Variants in AQP6 observed in about 807,000 individuals in gnomAD.
AQP6 encodes aquaporin-6.
AQP6 carries 14 observed loss-of-function variants against 16.3 expected under a neutral mutation model. That is an observed-to-expected ratio of 0.86 (90% CI 0.57 to 1.34). The LOEUF (loss-of-function observed/expected upper bound fraction) is 1.34. AQP6 is among the 40% of genes most tolerant of loss of function. The pLI is 0.00. For synonymous variants in AQP6, 178 were observed against 166.8 expected (o/e 1.07, Z -0.52); for missense variants, 331 against 379.7 (o/e 0.87, Z 1.07).
rs746924716 is a variant in AQP6 at position 49,975,438 on chromosome 12, G to GT, written c.643-26dup. The GT allele has an allele frequency of 5.7e-6, 9 of 1,568,168 alleles. No homozygotes were observed. The highest frequency in any genetic ancestry group is 7.7e-6 in the Non-Finnish European group (9 of 1,161,528). On this transcript the variant is annotated intron_variant, in intron 3 of 3. Transcript: ENST00000315520. The surrounding 1 kb of genome is among the most constrained non-coding windows in gnomAD (Gnocchi z 4.4). Reference sequence around the variant, plus strand: ...ACCCTGTGGTCCTGATAGCTCCTGGGTGGGGTGACGACATCCTTCTCCTCA... The same window carrying GT: ...ACCCTGTGGTCCTGATAGCTCCTGGGTTGGGGTGACGACATCCTTCTCCTCA...
At position 49,973,585 on chromosome 12, in the gene AQP6, G is replaced by C. The variant is rs1265231831; in HGVS notation, c.402+10G>C. 3.2e-6 allele frequency: 5 copies of C among 1,581,188 alleles called. No individual in the cohort carries two copies. Among genetic ancestry groups the C allele is most frequent in the Non-Finnish European group, 4.3e-6 (5 of 1,161,262 alleles). On this transcript the variant is annotated intron_variant, in intron 1 of 3. Transcript: ENST00000315520. ...CCTTGGGATCAACGTGGTAGGTGCA[G>C]GGAGGGGCACCTGGAGGGCCAGGAG...
chr12:49,975,420 G>C lies in AQP6; in HGVS notation c.643-45G>C, dbSNP rs1947563925. Reference sequence around the variant, plus strand: ...GGCAGCGGTCCCAGAGCCACCCTGTGGTCCTGATAGCTCCTGGGTGGGGTG... The same window carrying C: ...GGCAGCGGTCCCAGAGCCACCCTGTCGTCCTGATAGCTCCTGGGTGGGGTG... On this transcript the variant is annotated intron_variant, in intron 3 of 3. Coordinates refer to ENST00000315520, the MANE Select transcript of AQP6 (RefSeq NM_001652.4). The surrounding 1 kb of genome is among the most constrained non-coding windows in gnomAD (Gnocchi z 4.4). 6.5e-7 allele frequency: 1 copy of C among 1,544,986 alleles called. No individual in the cohort carries two copies. The highest frequency in any genetic ancestry group is 1.4e-5 in the African/African-American group (1 of 72,396).
chr12:49,974,332 C>G lies in AQP6; in HGVS notation c.411C>G (p.Asn137Lys), dbSNP rs754633688. 1 of 1,578,354 alleles carries G rather than the reference C, an allele frequency of 6.3e-7. No individual in the cohort carries two copies. Among genetic ancestry groups the G allele is most frequent in the Non-Finnish European group, 8.6e-7 (1 of 1,158,498 alleles). ...TAACTCCCTCTGTCCAGGTCCGGAA[C>G]AGTGTCTCAACTGGCCAGGCGGTGG... ...RETLGINVVR[N>K]SVSTGQAVAV... Residue 137 changes from asparagine to lysine, a missense_variant, in exon 2 of 4, where the codon AAC becomes AAG. Physicochemically the swap from Asn to Lys is moderately conservative, Grantham distance 94 (BLOSUM62 0). Transcript: ENST00000315520.
Position 49,976,620 on chromosome 12 carries a change from A to G in AQP6, c.*949A>G, listed in dbSNP as rs908095778. ...GAGAAGAACTGACACAGAGAAGAAC[A>G]TTTTCTCAGGCTCGTAGAGAGGTGG... On this transcript the variant is annotated 3_prime_UTR_variant, in exon 4 of 4. Transcript: ENST00000315520. The G allele has an allele frequency of 4.2e-6, 1 of 238,092 alleles. No homozygotes were observed. Among genetic ancestry groups the G allele is most frequent in the African/African-American group, 2.3e-5 (1 of 44,218 alleles). The allele number at this position is 238,092 out of a possible 1,614,324, so 14.7% of individuals were successfully genotyped here.
chr12:49,975,674 C>T lies in AQP6; in HGVS notation c.*3C>T, dbSNP rs901434843. The T allele has an allele frequency of 6.5e-7, 1 of 1,538,696 alleles. No homozygotes were observed. The highest frequency in any genetic ancestry group is 8.7e-7 in the Non-Finnish European group (1 of 1,147,830). ...CCGTGGAGATGGAGAGTGTGTGAAA[C>T]AGCCTACGCCTGGCCGCGCCCTTGG... On this transcript the variant is annotated 3_prime_UTR_variant, in exon 4 of 4. Coordinates refer to ENST00000315520, the MANE Select transcript of AQP6 (RefSeq NM_001652.4). The surrounding 1 kb of genome is among the most constrained non-coding windows in gnomAD (Gnocchi z 4.4).
intron 2 of AQP6, 77 bp downstream of exon 2, chr12:49,974,559 A>G: frequency 6.7e-7 from 1 of 1,503,686 alleles, no homozygotes. Flanking sequence ...CCTGAAGGCC[A>G]GGCAGTGTCC....
chr12:49,974,274 T>A, intron 1 of AQP6, 50 bp from the exon 2 acceptor site: 1 of 1,466,136 alleles, frequency 6.8e-7, no homozygotes, highest in African/African-American at 1.4e-5. Context: ...TTTCTCTGTC[T>A]GTCCGTGGGC....
Position 49,975,254 on chromosome 12 carries a change from A to G in AQP6, c.643-211A>G, listed in dbSNP as rs1947562709. On this transcript the variant is annotated intron_variant, in intron 3 of 3. Transcript: ENST00000315520. The surrounding 1 kb of genome is among the most constrained non-coding windows in gnomAD (Gnocchi z 4.4). ...AGCCACGGCTGCAGAGCCTGGGCTC[A>G]GCCCCAGGGAGGGCAGGGAGAGCAA... is the stretch of plus-strand genomic sequence containing the variant. 1.3e-5 allele frequency: 18 copies of G among 1,347,128 alleles called. No homozygotes were observed. In the South Asian group the frequency reaches 3.7e-4, roughly 28 times the overall value. The allele number at this position is 1,347,128 out of a possible 1,614,324, so 83.4% of individuals were successfully genotyped here. A position where few individuals can be genotyped will look rare whatever the true frequency, so the allele number is the denominator to read the frequency against.
Position 49,975,442 on chromosome 12 carries a change from G to A in AQP6, c.643-23G>A, listed in dbSNP as rs1157462876. 5 of 1,570,846 alleles carry A rather than the reference G, an allele frequency of 3.2e-6. No individual in the cohort carries two copies. Among genetic ancestry groups the A allele is most frequent in the Non-Finnish European group, 4.3e-6 (5 of 1,162,670 alleles). Reference sequence around the variant, plus strand: ...TGTGGTCCTGATAGCTCCTGGGTGGGGTGACGACATCCTTCTCCTCAGGTC... The same window carrying A: ...TGTGGTCCTGATAGCTCCTGGGTGGAGTGACGACATCCTTCTCCTCAGGTC... On this transcript the variant is annotated intron_variant, in intron 3 of 3. Coordinates refer to ENST00000315520, the MANE Select transcript of AQP6 (RefSeq NM_001652.4). The surrounding 1 kb of genome is among the most constrained non-coding windows in gnomAD (Gnocchi z 4.4).
chr12:49,976,773 C>A lies in AQP6; in HGVS notation c.*1102C>A. 1.8e-6 allele frequency: 1 copy of A among 562,250 alleles called. No homozygotes were observed. Among genetic ancestry groups the A allele is most frequent in the South Asian group, 2.3e-5 (1 of 42,982 alleles). The allele number at this position is 562,250 out of a possible 1,614,324, so 34.8% of individuals were successfully genotyped here. A position where few individuals can be genotyped will look rare whatever the true frequency, so the allele number is the denominator to read the frequency against. On this transcript the variant is annotated 3_prime_UTR_variant, in exon 4 of 4. Transcript: ENST00000315520. The stretch of plus-strand genomic sequence containing the variant: ...CAATCCTCAGAGGGGAAGTGCCCAT[C>A]TAGCCATTGACTCATGACCTGGGTC...
rs374255235 is a variant in AQP6, at chr12:49,974,410, C to T, written c.489C>T (p.Thr163=). The T allele has an allele frequency of 1.6e-5, 26 of 1,613,726 alleles. No homozygotes were observed. Among genetic ancestry groups the T allele is most frequent in the African/African-American group, 5.3e-5 (4 of 74,942 alleles). The change falls in exon 2 of 4, where the codon ACC becomes ACT. Residue 163 remains threonine, a synonymous_variant. Coordinates refer to ENST00000315520, the MANE Select transcript of AQP6 (RefSeq NM_001652.4). ...TGGTGCTCTGTGTCTTCGCTTCCACCGACAGCCGTCAGACATCAGGCTCCC... is the reference window on the plus strand; with the variant it reads ...TGGTGCTCTGTGTCTTCGCTTCCACTGACAGCCGTCAGACATCAGGCTCCC... ...LQLVLCVFAS[T]DSRQTSGSPA... is the part of the protein sequence containing the mutation.
In AQP6 at chr12:49,977,019, T is replaced by C. The variant is rs1947580047; in HGVS notation, c.*1348T>C. 3 of 702,368 alleles carry C rather than the reference T, an allele frequency of 4.3e-6. No individual in the cohort carries two copies. The East Asian group carries it at 8.0e-5, about 19-fold the overall frequency. 43.5% of individuals were successfully genotyped at this position (702,368 alleles called of 1,614,324 possible). Reference sequence around the variant, plus strand: ...GGGGTCCTTTCTGGATCTCGGCTTCTCCAGCTGTAAAATGGACACACAATC... The same window carrying C: ...GGGGTCCTTTCTGGATCTCGGCTTCCCCAGCTGTAAAATGGACACACAATC... On this transcript the variant is annotated 3_prime_UTR_variant, in exon 4 of 4. Coordinates refer to ENST00000315520, the MANE Select transcript of AQP6 (RefSeq NM_001652.4).
chr12:49,974,656 G>A, intron 2 of AQP6, 90 bp from the exon 3 acceptor site: 2 of 1,524,462 alleles, frequency 1.3e-6, no homozygotes, highest in Non-Finnish European at 1.8e-6. Context: ...CCGTGGCTGG[G>A]GCTAAGGCTC....
At position 49,974,310 on chromosome 12, in the gene AQP6, C is replaced by T; in HGVS notation, c.403-14C>T. 1 of 1,530,904 alleles carries T rather than the reference C, an allele frequency of 6.5e-7. No individual in the cohort carries two copies. 94.8% of individuals were successfully genotyped at this position (1,530,904 alleles called of 1,614,324 possible). ...AGAGCCCGCGTCTGGTCCAGAGTAA[C>T]TCCCTCTGTCCAGGTCCGGAACAGT... is the stretch of plus-strand genomic sequence containing the variant. On this transcript the variant is annotated splice_polypyrimidine_tract_variant and intron_variant, in intron 1 of 3. Coordinates refer to ENST00000315520, the MANE Select transcript of AQP6 (RefSeq NM_001652.4).
chr12:49,973,430 C>T lies in AQP6; in HGVS notation c.257C>T (p.Thr86Met), dbSNP rs200570924. The stretch of plus-strand genomic sequence containing the variant: ...GGGGCCCACGCCAACCCCGCCGTGA[C>T]GCTGGCCTTCCTCGTAGGCTCCCAC... Reference protein sequence around the residue: ...ASGAHANPAVTLAFLVGSHIS... With the variant: ...ASGAHANPAVMLAFLVGSHIS... Residue 86 changes from threonine (T) to methionine (M), a missense_variant, in exon 1 of 4, where the codon ACG (threonine) becomes ATG (methionine). Physicochemically the swap from Thr to Met is moderately conservative, Grantham distance 81 (BLOSUM62 -1). Coordinates refer to ENST00000315520, the MANE Select transcript of AQP6 (RefSeq NM_001652.4). The T allele has an allele frequency of 1.1e-4, 185 of 1,613,438 alleles. 1 individual carries two copies. The highest frequency in any genetic ancestry group is 6.6e-4 in the Middle Eastern group (4 of 6,062).
intron 2 of AQP6, 66 bp downstream of exon 2, chr12:49,974,548 C>A: frequency 3.3e-6 from 5 of 1,521,738 alleles, no homozygotes; most frequent in Non-Finnish European, 4.4e-6. Context: ...AACTGTGGAG[C>A]CCTGAAGGCC....
intron 2 of AQP6, 104 bp downstream of exon 2, chr12:49,974,586 T>C: frequency 6.9e-7 from 1 of 1,447,152 alleles, no homozygotes; most frequent in East Asian, 2.4e-5. Context: ...GAGCCCCTCG[T>C]GCCTTGGAGC....
intron 2 of AQP6, 100 bp from the exon 3 acceptor site, chr12:49,974,646 C>A (rs1947557884): frequency 6.7e-7 from 1 of 1,488,784 alleles, no homozygotes; most frequent in South Asian, 1.3e-5. Flanking sequence ...ACTACAGAGG[C>A]CGTGGCTGGG....
chr12:49,975,051 T>A lies in AQP6; in HGVS notation c.642+225T>A. 7.3e-7 allele frequency: 1 copy of A among 1,367,940 alleles called. No individual in the cohort carries two copies. Among genetic ancestry groups the A allele is most frequent in the Non-Finnish European group, 9.4e-7 (1 of 1,064,432 alleles). 84.7% of individuals were successfully genotyped at this position (1,367,940 alleles called of 1,614,324 possible). On this transcript the variant is annotated intron_variant, in intron 3 of 3. Transcript: ENST00000315520. This position sits in a 1 kb window ranked among gnomAD's most constrained non-coding sequence, Gnocchi z 4.4. ...GCCCAGACTTTTAAGTCCTGGCTGT[T>A]TCCTTATTCACTTTCTCCAGCTGGA...
Sources: allele counts gnomAD v4.1 joint callset, GRCh38; gene constraint gnomAD v4.1.1; non-coding constraint Gnocchi (gnomAD v3.1); transcripts MANE v1.5; gene names NCBI Gene and HGNC (gene_info 2026-07-23, HGNC 2026-07-21).